The following MICU1 variants were observed in gnomAD, a reference collection of about 807,000 sequenced individuals.
MICU1 encodes the protein calcium uptake protein 1, mitochondrial.
Under a neutral mutation model 56.8 loss-of-function variants are expected in MICU1, and 45 were observed. The ratio of observed to expected loss-of-function variants is 0.79; its 90% confidence interval spans 0.62 to 1.02. The LOEUF (loss-of-function observed/expected upper bound fraction) is 1.02. Ranked by LOEUF, MICU1 falls within the 50% of genes least tolerant of loss-of-function variation. The pLI is 0.00. For missense variants in MICU1, 504 were observed against 587.1 expected (o/e 0.86, Z 1.46); for synonymous variants, 186 against 195.1 (o/e 0.95, Z 0.39).
chr10:72,558,128 C>T (rs1301430096), intron 3 of MICU1, among the ~76,000 whole-genome samples: 3 of 152,168 alleles, frequency 2.0e-5, no homozygotes, highest in East Asian at 3.8e-4. Flanking sequence ...AAAGCAGCAA[C>T]GCTTTCTGTA....
chr10:72,502,120 T>A (rs2132331854), intron 6 of MICU1, among the ~76,000 whole-genome samples: 1 of 151,894 alleles, frequency 6.6e-6, no homozygotes, highest in African/African-American at 2.4e-5. Context: ...CTTGAACACC[T>A]GTGAGTTCAT....
intron 1 of MICU1, chr10:72,583,201 G>A (rs952716993): frequency 6.6e-6 from 1 of 151,504 alleles, no homozygotes; most frequent in African/African-American, 2.4e-5. Context: ...AAGTGGAAAG[G>A]GCTCAACATA....
At position 72,367,948 on chromosome 10, in the gene MICU1, A is replaced by C. The variant is rs879882650; in HGVS notation, c.*247T>G. The C allele has an allele frequency of 1.2e-4, 50 of 431,562 alleles. No homozygotes were observed. The highest frequency in any genetic ancestry group is 1.8e-4 in the Non-Finnish European group (43 of 241,446). The allele number at this position is 431,562 out of a possible 1,614,324, so 26.7% of individuals were successfully genotyped here. A position where few individuals can be genotyped will look rare whatever the true frequency, so the allele number is the denominator to read the frequency against. On this transcript the variant is annotated 3_prime_UTR_variant, in exon 12 of 12. Coordinates refer to ENST00000361114, the MANE Select transcript of MICU1 (RefSeq NM_001195518.2). ...ATGGGTGGTGCTGTTGAGGCTGACA[A>C]ATGTCTGAGCTTTACAGACTTGTTC...
At chr10:72,554,043 T>C (rs544462451) in intron 3 of MICU1, among the ~76,000 whole-genome samples, 1 of 152,188 alleles carries the variant, frequency 6.6e-6, no homozygotes, top group African/African-American at 2.4e-5. Context: ...ATATACCTTA[T>C]AAGACTTTCT....
At chr10:72,370,656 G>C (rs1204199029) in intron 11 of MICU1, among the ~76,000 whole-genome samples, 1 of 152,192 alleles carries the variant, frequency 6.6e-6, no homozygotes, top group Non-Finnish European at 1.5e-5. Flanking sequence ...TATAGTCCTG[G>C]TAATGTGATG....
chr10:72,475,504 C>T (rs947223857), intron 7 of MICU1, among the ~76,000 whole-genome samples: 1 of 151,762 alleles, frequency 6.6e-6, no homozygotes, highest in South Asian at 2.1e-4. Context: ...AATCAGCTCA[C>T]TGCAACCTCC....
intron 8 of MICU1, among the ~76,000 whole-genome samples, chr10:72,451,469 C>G (rs941222429): frequency 1.3e-5 from 2 of 152,068 alleles, no homozygotes; most frequent in African/African-American, 4.8e-5. Context: ...TCCCATAGCT[C>G]TCAAAGGCAG....
chr10:72,539,199 T>C (rs1839708410), intron 4 of MICU1, among the ~76,000 whole-genome samples: 1 of 152,058 alleles, frequency 6.6e-6, no homozygotes, highest in Admixed American at 6.6e-5. Context: ...AGAAAATCAA[T>C]AAAGAAACAT....
chr10:72,488,282 A>C (rs969602360), intron 6 of MICU1, among the ~76,000 whole-genome samples: 1 of 152,032 alleles, frequency 6.6e-6, no homozygotes, highest in Non-Finnish European at 1.5e-5. Flanking sequence ...GTTTAATAAA[A>C]ACTTGAAAAA....
At chr10:72,618,520 G>A (rs530337000) in intron 1 of MICU1, among the ~76,000 whole-genome samples, 1 of 152,182 alleles carries the variant, frequency 6.6e-6, no homozygotes, top group Non-Finnish European at 1.5e-5. Context: ...TAATTTAAAT[G>A]CTATTACAGG....
At chr10:72,407,578 C>T (rs894615972) in intron 10 of MICU1, among the ~76,000 whole-genome samples, 1 of 152,158 alleles carries the variant, frequency 6.6e-6, no homozygotes, top group African/African-American at 2.4e-5. Flanking sequence ...AAAGACGCAA[C>T]TTAAGTTGTA....
At chr10:72,552,834 G>A (rs1208585589) in intron 3 of MICU1, among the ~76,000 whole-genome samples, 7 of 152,186 alleles carry the variant, frequency 4.6e-5, no homozygotes, top group Non-Finnish European at 7.3e-5. Flanking sequence ...GATTACAGGC[G>A]TGAGCCACCA....
At chr10:72,520,509 G>A (rs58290296) in intron 5 of MICU1, among the ~76,000 whole-genome samples, 5,596 of 151,972 alleles carry the variant, frequency 0.037, 321 homozygotes, top group African/African-American at 0.13. Flanking sequence ...AGGTAATATC[G>A]CATTTGAGGC....
chr10:72,545,120 T>A (rs772739729), intron 4 of MICU1, among the ~76,000 whole-genome samples: 1 of 152,208 alleles, frequency 6.6e-6, no homozygotes, highest in Non-Finnish European at 1.5e-5. Context: ...TTTTTCCTTA[T>A]CTCAACCCAT....
chr10:72,529,845 A>G (rs1489953931), intron 5 of MICU1, among the ~76,000 whole-genome samples: 4 of 152,220 alleles, frequency 2.6e-5, no homozygotes, highest in African/African-American at 9.6e-5. Flanking sequence ...GATAAATGAA[A>G]CAAAGAAAAA....
At position 72,475,084 on chromosome 10, in the gene MICU1, T is replaced by G. The variant is rs1194149230; in HGVS notation, c.933+16A>C. On this transcript the variant is annotated intron_variant, in intron 8 of 11. Transcript: ENST00000361114. ...TTCCACATGTGATGGATCTACTGAG[T>G]CTAAGGAAGACCTACCTCAAGCTTC... The G allele has an allele frequency of 6.3e-7, 1 of 1,598,708 alleles. No individual in the cohort carries two copies. Among genetic ancestry groups the G allele is most frequent in the East Asian group, 2.2e-5 (1 of 44,582 alleles).
intron 6 of MICU1, among the ~76,000 whole-genome samples, chr10:72,489,154 G>A (rs1323533004): frequency 6.6e-6 from 1 of 151,960 alleles, no homozygotes; most frequent in Non-Finnish European, 1.5e-5. Flanking sequence ...GCTGGGCATA[G>A]TGGCACATGC....
chr10:72,490,513 T>C (rs570852594), intron 6 of MICU1, among the ~76,000 whole-genome samples: 1 of 152,306 alleles, frequency 6.6e-6, no homozygotes, highest in East Asian at 1.9e-4. Context: ...GGAGGGTCCC[T>C]TTTTCTAACA....
intron 8 of MICU1, among the ~76,000 whole-genome samples, chr10:72,454,892 A>G (rs1378406974): frequency 6.6e-6 from 1 of 152,178 alleles, no homozygotes; most frequent in African/African-American, 2.4e-5. Flanking sequence ...TTTTGGGAAA[A>G]ACCTAGTTCA....
Sources: gnomAD v4.1 joint callset for allele counts (sites outside exome capture counted in the v4.1 genomes callset) on GRCh38, gnomAD v4.1.1 for gene constraint, MANE v1.5 for transcripts, NCBI Gene and HGNC (gene_info 2026-07-23, HGNC 2026-07-21) for gene names.